Variants in USP37 observed in about 807,000 individuals in gnomAD.
USP37 encodes the protein ubiquitin specific peptidase 37.
A neutral mutation model predicts 124.0 loss-of-function variants in USP37; 27 were observed. The ratio of observed to expected loss-of-function variants is 0.22; its 90% CI spans 0.16 to 0.30. The LOEUF (loss-of-function observed/expected upper bound fraction) is 0.30. USP37 is among the 10% of genes least tolerant of loss of function. The pLI, the probability that USP37 is intolerant of heterozygous loss-of-function variation, is 1.00. For synonymous variants in USP37, 365 were observed against 388.0 expected, an observed-to-expected ratio of 0.94 and a Z score of 0.70; for missense variants, 889 against 1,140.4, an observed-to-expected ratio of 0.78 and a Z score of 3.17.
intron 24 of USP37, among the ~76,000 whole-genome samples, chr2:218,456,182 C>T (rs2106402736): frequency 6.6e-6 from 1 of 152,338 alleles, no homozygotes; most frequent in South Asian, 2.1e-4. Context: ...GGCACAGTGG[C>T]TCACTCCTAT....
At chr2:218,480,735 C>T (rs1440525575) in intron 17 of USP37, among the ~76,000 whole-genome samples, 1 of 152,194 alleles carries the variant, frequency 6.6e-6, no homozygotes, top group Non-Finnish European at 1.5e-5. Context: ...TCAAATTGTA[C>T]AGTCAGATAG....
Position 218,556,503 on chromosome 2 carries a change from G to GTTTTTTTTTTTTT in USP37, c.156+1982_156+1994dup, listed in dbSNP as rs34907421. Reference sequence around the variant, plus strand: ...GTATTTGGTTACTCTGGGTTTTTCTGTTTTTTTTTTTTTTTTTTTTTTTTT... The same window carrying GTTTTTTTTTTTTT: ...GTATTTGGTTACTCTGGGTTTTTCTGTTTTTTTTTTTTTTTTTTTTTTTTTTTTTTTTTTTTTT... On this transcript the variant is annotated intron_variant, in intron 4 of 25. Transcript: ENST00000258399. 1.1e-4 allele frequency among the ~76,000 whole-genome samples: 6 copies of GTTTTTTTTTTTTT among 53,806 alleles called. 1 individual carries two copies. The highest frequency in any genetic ancestry group is 3.0e-4 in the African/African-American group (5 of 16,658). 35.3% of individuals were successfully genotyped at this position (53,806 alleles called of 152,430 possible).
At chr2:218,528,238 A>T (rs1574929145) in intron 10 of USP37, 2 of 152,312 alleles carry the variant, frequency 1.3e-5, no homozygotes, top group South Asian at 2.1e-4. Flanking sequence ...ATAGGTCATT[A>T]TATAGCATGT....
chr2:218,565,100 T>G (rs1693514709), intron 1 of USP37, among the ~76,000 whole-genome samples: 1 of 152,142 alleles, frequency 6.6e-6, no homozygotes. Context: ...TTTTGTAATT[T>G]TTTATAGACA....
chr2:218,457,248 T>C, intron 23 of USP37, 87 bp from the exon 24 acceptor site: 1 of 1,319,322 alleles, frequency 7.6e-7, no homozygotes, highest in Non-Finnish European at 1.1e-6. Context: ...AAAGCTGACA[T>C]GGCTAAGCTT....
chr2:218,540,159 T>G (rs1691894005), intron 8 of USP37, among the ~76,000 whole-genome samples: 2 of 152,172 alleles, frequency 1.3e-5, no homozygotes, highest in South Asian at 4.2e-4. Flanking sequence ...AAGGGTTACT[T>G]AACATAAACA....
intron 5 of USP37, among the ~76,000 whole-genome samples, chr2:218,551,022 A>T (rs1241495394): frequency 5.3e-5 from 8 of 152,104 alleles, no homozygotes; most frequent in Non-Finnish European, 1.2e-4. Flanking sequence ...TCCAGAGATT[A>T]TGTTAAAAGT....
intron 23 of USP37, among the ~76,000 whole-genome samples, 196 bp downstream of exon 23, chr2:218,459,589 TTTTTG>T (rs1689892102): frequency 6.6e-6 from 1 of 150,408 alleles, no homozygotes; most frequent in African/African-American, 2.5e-5. Flanking sequence ...ATTCCTGTTT[TTTTTG>T]TTTGTTTGTT....
chr2:218,489,550 C>T (rs1054355247), intron 14 of USP37, among the ~76,000 whole-genome samples: 2 of 151,844 alleles, frequency 1.3e-5, no homozygotes, highest in African/African-American at 4.8e-5. Flanking sequence ...GGCACGATCT[C>T]AGCTCACTGC....
chr2:218,499,933 G>C (rs1472813111), intron 11 of USP37, among the ~76,000 whole-genome samples: 5 of 151,908 alleles, frequency 3.3e-5, no homozygotes. Context: ...ACTATGCCTG[G>C]GTAATTTTTT....
intron 4 of USP37, among the ~76,000 whole-genome samples, chr2:218,554,102 T>C (rs1461046831): frequency 6.6e-6 from 1 of 152,214 alleles, no homozygotes; most frequent in Non-Finnish European, 1.5e-5. Context: ...AATGGAGACA[T>C]TAATTAAAGG....
At position 218,466,307 on chromosome 2, in the gene USP37, T is replaced by C. The variant is rs569845496; in HGVS notation, c.2300-131A>G. ...TATAATTTGCTTAGGACATACAATT[T>C]CACCTTACTAGATCTACGTCAGGGT... On this transcript the variant is annotated intron_variant, in intron 20 of 25. Coordinates refer to ENST00000258399, the MANE Select transcript of USP37 (RefSeq NM_020935.3). 7 of 1,012,420 alleles carry C rather than the reference T, an allele frequency of 6.9e-6. No homozygotes were observed. The South Asian group carries it at 1.0e-4, about 15-fold the overall frequency. 62.7% of individuals were successfully genotyped at this position (1,012,420 alleles called of 1,614,324 possible).
At chr2:218,536,017 C>CAAAAAAAAAAAAAAAAAAAA (rs59248363) in intron 8 of USP37, among the ~76,000 whole-genome samples, 1 of 80,832 alleles carries the variant, frequency 1.2e-5, no homozygotes, top group Non-Finnish European at 2.3e-5. Context: ...GACTTCATCT[C>CAAAAAAAAAAAAAAAAAAAA]AAAAAAAAAA....
At chr2:218,545,732 C>T (rs1692282760) in intron 8 of USP37, among the ~76,000 whole-genome samples, 1 of 151,982 alleles carries the variant, frequency 6.6e-6, no homozygotes, top group Non-Finnish European at 1.5e-5. Flanking sequence ...AGTTGGCGAG[C>T]ACCCTGGGTT....
At chr2:218,509,862 C>T (rs1478865093) in intron 11 of USP37, 117 bp downstream of exon 11, 2 of 994,812 alleles carry the variant, frequency 2.0e-6, no homozygotes, top group Non-Finnish European at 2.7e-6. Context: ...AATAAGTGAT[C>T]TAATTTCTAA....
chr2:218,467,678 T>G (rs1234625796), intron 20 of USP37, among the ~76,000 whole-genome samples: 1 of 151,428 alleles, frequency 6.6e-6, no homozygotes. Context: ...GAGATAGAGT[T>G]TCACCATGTT....
At chr2:218,468,804 A>G (rs1452695848) in intron 20 of USP37, among the ~76,000 whole-genome samples, 1 of 151,154 alleles carries the variant, frequency 6.6e-6, no homozygotes, top group Non-Finnish European at 1.5e-5. Flanking sequence ...AGAGATTCTT[A>G]TGCCTCAGCC....
chr2:218,566,643 A>G (rs1693611885), intron 1 of USP37, among the ~76,000 whole-genome samples: 1 of 152,240 alleles, frequency 6.6e-6, no homozygotes, highest in Non-Finnish European at 1.5e-5. Context: ...AGTGCTTATC[A>G]TGGTTATCTC....
chr2:218,550,777 T>C (rs1319519934), intron 5 of USP37, among the ~76,000 whole-genome samples: 1 of 152,082 alleles, frequency 6.6e-6, no homozygotes, highest in Non-Finnish European at 1.5e-5. Flanking sequence ...TCTATTTTGC[T>C]TCCTGAATTC....
Sources: gnomAD v4.1 joint callset for allele counts (sites outside exome capture counted in the v4.1 genomes callset) on GRCh38, gnomAD v4.1.1 for gene constraint, MANE v1.5 for transcripts, NCBI Gene and HGNC (gene_info 2026-07-23, HGNC 2026-07-21) for gene names.